PHLPP1: variants seen among roughly 807,000 people sequenced by gnomAD.
PHLPP1 encodes PH domain leucine-rich repeat-containing protein phosphatase 1.
PHLPP1 carries 42 observed loss-of-function variants against 117.2 expected under a neutral mutation model. The ratio of observed to expected loss-of-function variants is 0.36; its 90% CI spans 0.28 to 0.46. The LOEUF (loss-of-function observed/expected upper bound fraction) is 0.46, where lower values mean the gene tolerates loss of function less well. Among genes scored for constraint, PHLPP1 ranks in the 20% least tolerant of loss-of-function variants. The pLI, the probability that PHLPP1 is intolerant of heterozygous loss-of-function variation, is 1.00. For missense variants in PHLPP1, 2,084 were observed against 2,241.9 expected (o/e 0.93, Z 1.42); for synonymous variants, 1,042 against 970.7 (o/e 1.07, Z -1.37).
At chr18:62,952,387 CAG>C (rs1599139016) in intron 12 of PHLPP1, among the ~76,000 whole-genome samples, 1 of 152,152 alleles carries the variant, frequency 6.6e-6, no homozygotes, top group Non-Finnish European at 1.5e-5. Context: ...TTTGAACAAA[CAG>C]AATGCTAAGG....
intron 1 of PHLPP1, among the ~76,000 whole-genome samples, chr18:62,754,057 G>C (rs1262941603): frequency 1.3e-5 from 2 of 152,132 alleles, no homozygotes; most frequent in Non-Finnish European, 1.5e-5. Context: ...TTCCCACCCT[G>C]CTTGTCTTAA....
intron 3 of PHLPP1, among the ~76,000 whole-genome samples, chr18:62,848,629 A>G (rs1341120849): frequency 6.6e-6 from 1 of 151,800 alleles, no homozygotes; most frequent in East Asian, 1.9e-4. Context: ...ACTCCCAGCT[A>G]ATTTTTGTAT....
chr18:62,903,494 A>C (rs1334863654), intron 7 of PHLPP1, among the ~76,000 whole-genome samples: 1 of 152,190 alleles, frequency 6.6e-6, no homozygotes, highest in East Asian at 1.9e-4. Flanking sequence ...CTACCTTATT[A>C]CTAAATCTGG....
At chr18:62,976,603 A>G (rs1911194300) in intron 16 of PHLPP1, among the ~76,000 whole-genome samples, 1 of 152,188 alleles carries the variant, frequency 6.6e-6, no homozygotes, top group Non-Finnish European at 1.5e-5. Context: ...CACAGTGTCT[A>G]CCATCCATGT....
rs563699105 is a variant in PHLPP1, at chr18:62,852,825, T to C, written c.1900-7610T>C. 5.9e-5 allele frequency among the ~76,000 whole-genome samples: 9 copies of C among 152,320 alleles called. No individual in the cohort carries two copies. The South Asian group carries it at 1.2e-3, about 21-fold the overall frequency. On this transcript the variant is annotated intron_variant, in intron 3 of 16. Coordinates refer to ENST00000262719, the MANE Select transcript of PHLPP1 (RefSeq NM_194449.4). ...ATCACATTAATGTTACTGTGAACTT[T>C]CCCTTGCCTGTGAAAGACGATTATC...
At chr18:62,793,553 G>C (rs549975463) in intron 1 of PHLPP1, among the ~76,000 whole-genome samples, 1 of 152,260 alleles carries the variant, frequency 6.6e-6, no homozygotes, top group South Asian at 2.1e-4. Flanking sequence ...TGGATTTATT[G>C]AACATAGAAC....
intron 12 of PHLPP1, among the ~76,000 whole-genome samples, chr18:62,956,752 A>G (rs913946436): frequency 2.0e-5 from 3 of 152,206 alleles, no homozygotes; most frequent in Admixed American, 6.5e-5. Flanking sequence ...ATAATAAAAT[A>G]TGATTATTTA....
intron 10 of PHLPP1, among the ~76,000 whole-genome samples, chr18:62,921,297 C>T (rs1909460240): frequency 6.6e-6 from 1 of 152,168 alleles, no homozygotes; most frequent in South Asian, 2.1e-4. Flanking sequence ...TTTAATTTTG[C>T]TTCTAGAAGT....
intron 3 of PHLPP1, chr18:62,839,663 G>A (rs1397481891): frequency 6.7e-6 from 1 of 150,114 alleles, no homozygotes; most frequent in Non-Finnish European, 1.5e-5. Flanking sequence ...GTTGCAATGA[G>A]CCGAGATTGC....
At chr18:62,853,016 A>G (rs1915398636) in intron 3 of PHLPP1, among the ~76,000 whole-genome samples, 1 of 152,196 alleles carries the variant, frequency 6.6e-6, no homozygotes, top group African/African-American at 2.4e-5. Flanking sequence ...TTTTTGTCAT[A>G]AGGGTCCTAA....
chr18:62,929,688 G>T (rs910060762), intron 10 of PHLPP1, among the ~76,000 whole-genome samples: 1 of 152,190 alleles, frequency 6.6e-6, no homozygotes, highest in African/African-American at 2.4e-5. Context: ...TGGCTCATGC[G>T]TGTTGTCCTA....
In PHLPP1 at chr18:62,922,703, A is replaced by G. The variant is rs181159821; in HGVS notation, c.2960+2589A>G. On this transcript the variant is annotated intron_variant, in intron 10 of 16. Coordinates refer to ENST00000262719, the MANE Select transcript of PHLPP1 (RefSeq NM_194449.4). Reference sequence around the variant, plus strand: ...GGCCAATTCTGGTAAGTTCACAACTATTAGAGGTTATCAGTGCTAGAATTT... The same window carrying G: ...GGCCAATTCTGGTAAGTTCACAACTGTTAGAGGTTATCAGTGCTAGAATTT... Among the ~76,000 whole-genome samples, 134 of 152,348 alleles carry G rather than the reference A, an allele frequency of 8.8e-4. 1 individual carries two copies. The highest frequency in any genetic ancestry group is 6.8e-3 in the Middle Eastern group (2 of 294).
intron 14 of PHLPP1, among the ~76,000 whole-genome samples, chr18:62,969,800 A>G (rs550743820): frequency 6.6e-6 from 1 of 152,348 alleles, no homozygotes; most frequent in South Asian, 2.1e-4. Context: ...TCTTTTGATT[A>G]ATGTTAGCAT....
intron 10 of PHLPP1, among the ~76,000 whole-genome samples, chr18:62,940,226 C>T (rs1250445156): frequency 1.3e-5 from 2 of 149,840 alleles, no homozygotes; most frequent in African/African-American, 4.9e-5. Context: ...CATTCCCCAG[C>T]TTTGCAATGT....
At chr18:62,736,276 A>G (rs1331190943) in intron 1 of PHLPP1, among the ~76,000 whole-genome samples, 1 of 152,220 alleles carries the variant, frequency 6.6e-6, no homozygotes, top group Non-Finnish European at 1.5e-5. Flanking sequence ...GACTTACTGC[A>G]TAATCGGCAT....
Position 62,715,857 on chromosome 18 carries a change from G to A in PHLPP1, c.174G>A (p.Ala58=), listed in dbSNP as rs1448639360. The A allele has an allele frequency of 6.4e-6, 5 of 781,256 alleles. No homozygotes were observed. The highest frequency in any genetic ancestry group is 7.8e-6 in the Non-Finnish European group (5 of 644,614). 48.4% of individuals were successfully genotyped at this position (781,256 alleles called of 1,614,324 possible). The change falls in exon 1 of 17, where the codon GCG becomes GCA. Residue 58 remains alanine (A), a synonymous_variant. Coordinates refer to ENST00000262719, the MANE Select transcript of PHLPP1 (RefSeq NM_194449.4). ...GRSPEPALTP[A]APSGGNGSGS... is the part of the protein sequence containing the mutation. ...GTCCGGAGCCCGCGCTGACCCCGGC[G>A]GCCCCGAGCGGCGGGAACGGCAGCG...
chr18:62,963,527 TA>T, intron 14 of PHLPP1, 55 bp downstream of exon 14: 1 of 1,118,230 alleles, frequency 8.9e-7, no homozygotes, highest in East Asian at 2.5e-5. Context: ...CTCACTCCTT[TA>T]GTTGGGTAGA....
chr18:62,845,561 A>G (rs1335200316), intron 3 of PHLPP1, among the ~76,000 whole-genome samples: 2 of 152,178 alleles, frequency 1.3e-5, no homozygotes, highest in Admixed American at 6.5e-5. Flanking sequence ...AATTGAGTCA[A>G]ATCATTCTAG....
intron 3 of PHLPP1, among the ~76,000 whole-genome samples, chr18:62,856,345 C>G (rs1247645642): frequency 6.6e-6 from 1 of 152,120 alleles, no homozygotes; most frequent in African/African-American, 2.4e-5. Context: ...CCCCATATCC[C>G]CTGCCCCCTT....
Sources: allele counts gnomAD v4.1 joint callset (sites outside exome capture counted in the v4.1 genomes callset), GRCh38; gene constraint gnomAD v4.1.1; transcripts MANE v1.5; gene names NCBI Gene and HGNC (gene_info 2026-07-23, HGNC 2026-07-21).